NAGPA: variants seen among roughly 807,000 people sequenced by gnomAD.
NAGPA encodes the protein alpha-N-acetylglucosaminyl phosphodiesterase.
Under a neutral mutation model 48.5 loss-of-function variants are expected in NAGPA, and 56 were observed. That is an observed-to-expected ratio of 1.15 (90% CI 0.93 to 1.44). The LOEUF (loss-of-function observed/expected upper bound fraction) is 1.44. NAGPA is among the 40% of genes most tolerant of loss of function. The pLI is 0.00. For missense variants in NAGPA, 888 were observed against 735.0 expected, an observed-to-expected ratio of 1.21 and a Z score of -2.41; for synonymous variants, 399 against 315.5, an observed-to-expected ratio of 1.26 and a Z score of -2.81.
In NAGPA at chr16:5,027,359, C is replaced by A. The variant is rs1475662432; in HGVS notation, c.1195G>T (p.Gly399Trp). 1.2e-6 allele frequency: 2 copies of A among 1,613,866 alleles called. No homozygotes were observed. The highest frequency in any genetic ancestry group is 2.7e-5 in the African/African-American group (2 of 74,882). The change falls in exon 8 of 10, where the codon GGG becomes TGG. Residue 399 changes from glycine to tryptophan, a missense_variant. Physicochemically the swap from Gly to Trp is radical, Grantham distance 184. Coordinates refer to ENST00000312251, the MANE Select transcript of NAGPA (RefSeq NM_016256.4). ...CSEECPLGWH[G>W]PGCQRPCKCE... ...TTACAAGGCCTCTGGCAGCCCGGCC[C>A]ATGCCAGCCAAGGGGACACTCTATG... is the stretch of plus-strand genomic sequence containing the variant.
Position 5,033,892 on chromosome 16 carries a change from C to T in NAGPA, c.23G>A (p.Trp8Ter), listed in dbSNP as rs1313603972. 2 of 1,549,268 alleles carry T rather than the reference C, an allele frequency of 1.3e-6. No homozygotes were observed. The highest frequency in any genetic ancestry group is 1.4e-5 in the African/African-American group (1 of 73,104). MATSTGR[W>*]LLLRLALFGF... Reference sequence around the variant, plus strand: ...GAATAGTGCAAGCCGGAGGAGAAGCCAGCGACCCGTGGAGGTCGCCATATT... The same window carrying T: ...GAATAGTGCAAGCCGGAGGAGAAGCTAGCGACCCGTGGAGGTCGCCATATT... Residue 8 changes from tryptophan to a stop codon, truncating the protein, a stop_gained, in exon 1 of 10, where the codon TGG becomes TAG. Coordinates refer to ENST00000312251, the MANE Select transcript of NAGPA (RefSeq NM_016256.4). LOFTEE classifies it high-confidence loss of function. This position sits in a 1 kb window ranked among gnomAD's most constrained non-coding sequence, Gnocchi z 4.2.
intron 4 of NAGPA, chr16:5,029,651 G>A (rs913235031): frequency 6.2e-6 from 1 of 161,740 alleles, no homozygotes; most frequent in Non-Finnish European, 1.4e-5. Context: ...AGCCAGGTGC[G>A]GTGACTCACG....
At position 5,033,794 on chromosome 16, in the gene NAGPA, C is replaced by T. The variant is rs1278267899; in HGVS notation, c.86+35G>A. ...GTGAGCTCGGAGGACAGGGGGGACC[C>T]CCCGAACCAGGCTGGCCCAGGGAGC... is the stretch of plus-strand genomic sequence containing the variant. On this transcript the variant is annotated intron_variant, in intron 1 of 9. Coordinates refer to ENST00000312251, the MANE Select transcript of NAGPA (RefSeq NM_016256.4). This position sits in a 1 kb window ranked among gnomAD's most constrained non-coding sequence, Gnocchi z 4.2. 6.4e-7 allele frequency: 1 copy of T among 1,567,652 alleles called. No homozygotes were observed. The highest frequency in any genetic ancestry group is 1.9e-5 in the Admixed American group (1 of 52,784).
chr16:5,033,259 C>G lies in NAGPA; in HGVS notation c.542+14G>C, dbSNP rs959721680. The G allele has an allele frequency of 6.3e-7, 1 of 1,583,398 alleles. No homozygotes were observed. The highest frequency in any genetic ancestry group is 8.5e-7 in the Non-Finnish European group (1 of 1,173,768). ...CCTCTGCCCTCGACAGCACGGGGCT[C>G]CCTGCCTCCTCACCCGGTGACCAGG... On this transcript the variant is annotated intron_variant, in intron 2 of 9. Coordinates refer to ENST00000312251, the MANE Select transcript of NAGPA (RefSeq NM_016256.4). This position sits in a 1 kb window ranked among gnomAD's most constrained non-coding sequence, Gnocchi z 4.2.
In NAGPA at chr16:5,025,151, G is replaced by A. The variant is rs901554340; in HGVS notation, c.*327C>T. ...ATGACGTGGTCACTGAGTCTGGTTCGTTGGCAGCCCCTTCCCCAGGAGGAG... is the reference window on the plus strand; with the variant it reads ...ATGACGTGGTCACTGAGTCTGGTTCATTGGCAGCCCCTTCCCCAGGAGGAG... On this transcript the variant is annotated 3_prime_UTR_variant, in exon 10 of 10. Transcript: ENST00000312251. 8.1e-5 allele frequency: 33 copies of A among 409,236 alleles called. No homozygotes were observed. Among genetic ancestry groups the A allele is most frequent in the Non-Finnish European group, 1.3e-4 (28 of 217,912 alleles). The allele number at this position is 409,236 out of a possible 1,614,324, so 25.4% of individuals were successfully genotyped here. A position where few individuals can be genotyped will look rare whatever the true frequency, so the allele number is the denominator to read the frequency against.
At chr16:5,028,739 C>T in intron 5 of NAGPA, 141 bp downstream of exon 5, 2 of 1,355,782 alleles carry the variant, frequency 1.5e-6, no homozygotes, top group Non-Finnish European at 2.1e-6. Flanking sequence ...TACTGGCATC[C>T]TGGGGGAGGG....
In NAGPA at chr16:5,031,759, T is replaced by C. The variant is rs764203636; in HGVS notation, c.668A>G (p.Glu223Gly). 1 of 1,614,132 alleles carries C rather than the reference T, an allele frequency of 6.2e-7. No individual in the cohort carries two copies. Among genetic ancestry groups the C allele is most frequent in the South Asian group, 1.1e-5 (1 of 91,082 alleles). Residue 223 changes from glutamate (E) to glycine (G), a missense_variant, in exon 3 of 10, where the codon GAG becomes GGG. Coordinates refer to ENST00000312251, the MANE Select transcript of NAGPA (RefSeq NM_016256.4). ...CCCCATCCAACCTGTCTCCTGTGTC[T>C]CGTCACACTCTGTGGCTTGGCTCTC... ...INESQATECD[E>G]TQETGSFSKF...
chr16:5,030,845 G>A (rs1230462174), intron 3 of NAGPA, among the ~76,000 whole-genome samples: 2 of 151,890 alleles, frequency 1.3e-5, no homozygotes, highest in Admixed American at 1.3e-4. Flanking sequence ...TGCACTTCCT[G>A]TTCCCTCTGG....
chr16:5,032,375 C>T (rs1197024083), intron 2 of NAGPA, among the ~76,000 whole-genome samples: 1 of 152,064 alleles, frequency 6.6e-6, no homozygotes, highest in Non-Finnish European at 1.5e-5. Flanking sequence ...ATCAATCTTG[C>T]CAGGGCGTGG....
chr16:5,031,439 G>T, intron 3 of NAGPA: 1 of 387,630 alleles, frequency 2.6e-6, no homozygotes, highest in East Asian at 6.0e-5. Context: ...GCAGGTCCAT[G>T]AAGATTTTTT....
chr16:5,028,284 TCTAC>T, intron 5 of NAGPA, 99 bp from the exon 6 acceptor site: 8 of 1,534,622 alleles, frequency 5.2e-6, no homozygotes, highest in African/African-American at 2.8e-5. Context: ...TTCTCACCTG[TCTAC>T]CTACCTACCT....
chr16:5,029,356 G>A (rs968294031), intron 4 of NAGPA: 25 of 359,136 alleles, frequency 7.0e-5, no homozygotes, highest in Admixed American at 2.3e-4. Flanking sequence ...GAGGGTGGCC[G>A]GACAACTGGG....
chr16:5,025,443 C>T lies in NAGPA; in HGVS notation c.*35G>A. The T allele has an allele frequency of 6.2e-7, 1 of 1,608,796 alleles. No homozygotes were observed. The highest frequency in any genetic ancestry group is 8.5e-7 in the Non-Finnish European group (1 of 1,177,912). The stretch of plus-strand genomic sequence containing the variant: ...AGAAGCCAGACCGTGGGGAAACAAG[C>T]TTTCGCGACGTGCCACCCCGGGCAG... On this transcript the variant is annotated 3_prime_UTR_variant, in exon 10 of 10. Transcript: ENST00000312251.
intron 9 of NAGPA, among the ~76,000 whole-genome samples, chr16:5,026,548 A>T (rs925138239): frequency 1.3e-5 from 2 of 152,070 alleles, no homozygotes; most frequent in Admixed American, 6.5e-5. Context: ...AAAAAAGTTT[A>T]AAAAAATGTG....
chr16:5,030,634 C>T, intron 3 of NAGPA, 141 bp from the exon 4 acceptor site: 1 of 741,420 alleles, frequency 1.3e-6, no homozygotes, highest in South Asian at 1.5e-5. Context: ...CCTGCCTCCC[C>T]TCTGCACATC....
intron 2 of NAGPA, 121 bp from the exon 3 acceptor site, chr16:5,032,005 C>T: frequency 2.2e-6 from 3 of 1,363,896 alleles, no homozygotes; most frequent in East Asian, 4.6e-5. Context: ...CAGGAACCTC[C>T]TGGGGCCTGA....
chr16:5,030,359 G>C (rs756367160), intron 4 of NAGPA, 26 bp downstream of exon 4: 7 of 1,541,072 alleles, frequency 4.5e-6, no homozygotes, highest in Non-Finnish European at 6.1e-6. Context: ...AGCCCCGGCC[G>C]GGGGGCCTCA....
chr16:5,033,459 C>A lies in NAGPA; in HGVS notation c.356G>T (p.Arg119Leu), dbSNP rs779483474. 7.6e-6 allele frequency: 12 copies of A among 1,583,792 alleles called. No homozygotes were observed. Among genetic ancestry groups the A allele is most frequent in the Middle Eastern group, 3.6e-4 (2 of 5,516 alleles). Residue 119 changes from arginine (R) to leucine (L), a missense_variant, in exon 2 of 10, where the codon CGA (arginine) becomes CTA (leucine). Arg to Leu is a moderately radical substitution (Grantham distance 102). Transcript: ENST00000312251. The surrounding 1 kb of genome is among the most constrained non-coding windows in gnomAD (Gnocchi z 4.2). ...PGGPGGCAAR[R>L]RATVEETARA... ...CGCCGTCTCCTCCACGGTGGCGCGT[C>A]GTCTCGCCGCGCAGCCGCCGGGTCC...
rs185563042 is a variant in NAGPA at position 5,025,658 on chromosome 16, C to G, written c.1368G>C (p.Ala456=). The change falls in exon 10 of 10, where the codon GCG becomes GCC. Residue 456 remains alanine, a synonymous_variant. Transcript: ENST00000312251. ...TRTAWLALTL[A]LAFLLLISTA... ...TGCTGATCAGCAGGAGGAAGGCCAGCGCCAGGGTGAGGGCTAGCCAGGCGG... is the reference window on the plus strand; with the variant it reads ...TGCTGATCAGCAGGAGGAAGGCCAGGGCCAGGGTGAGGGCTAGCCAGGCGG... The G allele has an allele frequency of 3.7e-6, 6 of 1,612,652 alleles. No homozygotes were observed. In the Admixed American group the frequency reaches 8.4e-5, roughly 22 times the overall value.
Sources: gnomAD v4.1 joint callset for allele counts (sites outside exome capture counted in the v4.1 genomes callset) on GRCh38, gnomAD v4.1.1 for gene constraint, Gnocchi (gnomAD v3.1) non-coding constraint, MANE v1.5 for transcripts, NCBI Gene and HGNC (gene_info 2026-07-23, HGNC 2026-07-21) for gene names.